CYP2C19: variants seen among roughly 807,000 people sequenced by gnomAD.
CYP2C19 encodes the protein cytochrome P450 family 2 subfamily C member 19, also known as cytochrome P450 2C19.
A neutral mutation model predicts 40.9 loss-of-function variants in CYP2C19; 59 were observed. That is an observed-to-expected ratio of 1.44 (90% confidence interval 1.17 to 1.79). The LOEUF (loss-of-function observed/expected upper bound fraction) is 1.79. Among genes scored for constraint, CYP2C19 ranks in the 40% most tolerant of loss-of-function variants. The pLI is 0.00. For missense variants in CYP2C19, 754 were observed against 596.9 expected (o/e 1.26, Z -2.74); for synonymous variants, 253 against 208.7 (o/e 1.21, Z -1.83).
In CYP2C19 at chr10:94,838,755, G is replaced by A. The variant is rs1008005191; in HGVS notation, c.962-4082G>A. On this transcript the variant is annotated intron_variant, in intron 6 of 8. Coordinates refer to ENST00000371321, the MANE Select transcript of CYP2C19 (RefSeq NM_000769.4). The stretch of plus-strand genomic sequence containing the variant: ...CATAAATCACACTTTTTACATAATT[G>A]CGAGTTGTCTCTTAATGAAAAGAAA... Among the ~76,000 whole-genome samples, 11 of 152,102 alleles carry A rather than the reference G, an allele frequency of 7.2e-5. 1 individual carries two copies. In the East Asian group the frequency reaches 2.1e-3, roughly 29 times the overall value.
At position 94,767,876 on chromosome 10, in the gene CYP2C19, C is replaced by T. The variant is rs147298352; in HGVS notation, c.168+5003C>T. On this transcript the variant is annotated intron_variant, in intron 1 of 8. Transcript: ENST00000371321. ...GTCAGGGAATACTGGGGCTTAATCTCTTGGAGGGGTTTGTTCCATACCAAG... is the reference window on the plus strand; with the variant it reads ...GTCAGGGAATACTGGGGCTTAATCTTTTGGAGGGGTTTGTTCCATACCAAG... Among the ~76,000 whole-genome samples, 636 of 152,236 alleles carry T rather than the reference C, an allele frequency of 4.2e-3. 3 individuals are homozygous for T. The highest frequency in any genetic ancestry group is 0.014 in the African/African-American group (579 of 41,542).
Position 94,780,567 on chromosome 10 carries a change from C to T in CYP2C19, c.550C>T (p.Gln184Ter), listed in dbSNP as rs961342096. 1.9e-6 allele frequency: 3 copies of T among 1,613,798 alleles called. No homozygotes were observed. The highest frequency in any genetic ancestry group is 2.7e-5 in the African/African-American group (2 of 74,910). Residue 184 changes from glutamine (Q) to a stop codon, truncating the protein, a stop_gained, in exon 4 of 9, where the codon CAG becomes TAG. Transcript: ENST00000371321. LOFTEE classifies it high-confidence loss of function. Reference sequence around the variant, plus strand: ...CAATGTGATCTGCTCCATTATTTTCCAGAAACGTTTCGATTATAAAGATCA... The same window carrying T: ...CAATGTGATCTGCTCCATTATTTTCTAGAAACGTTTCGATTATAAAGATCA... The part of the protein sequence containing the change: ...PCNVICSIIF[Q>*]KRFDYKDQQF...
chr10:94,816,305 T>C (rs537649729), intron 5 of CYP2C19, among the ~76,000 whole-genome samples: 31 of 151,858 alleles, frequency 2.0e-4, no homozygotes, highest in African/African-American at 7.2e-4. Flanking sequence ...AGTGGGATTT[T>C]ATTTATTGTT....
intron 6 of CYP2C19, among the ~76,000 whole-genome samples, chr10:94,824,747 C>T (rs926449234): frequency 4.4e-4 from 66 of 151,708 alleles, no homozygotes; most frequent in Non-Finnish European, 7.5e-4. Flanking sequence ...TGCTGGTGCA[C>T]GGCACCCACT....
intron 6 of CYP2C19, among the ~76,000 whole-genome samples, chr10:94,833,495 A>C (rs1849360297): frequency 6.6e-6 from 1 of 151,758 alleles, no homozygotes; most frequent in African/African-American, 2.4e-5. Flanking sequence ...ACATGTGCAC[A>C]TTGTGCAGGT....
chr10:94,849,166 A>G (rs1589379138), intron 7 of CYP2C19, among the ~76,000 whole-genome samples: 1 of 151,864 alleles, frequency 6.6e-6, no homozygotes, highest in East Asian at 1.9e-4. Flanking sequence ...TTTAAGTCAT[A>G]GTCTACACAT....
chr10:94,832,370 G>T (rs1849347289), intron 6 of CYP2C19, among the ~76,000 whole-genome samples: 1 of 152,178 alleles, frequency 6.6e-6, no homozygotes, highest in East Asian at 1.9e-4. Context: ...CTTTGCAGGG[G>T]AAGTCCCATT....
At chr10:94,851,311 T>C (rs2134293831) in intron 8 of CYP2C19, among the ~76,000 whole-genome samples, 1 of 150,254 alleles carries the variant, frequency 6.7e-6, no homozygotes, top group South Asian at 2.1e-4. Flanking sequence ...TCACTCACTA[T>C]CATGAGAACA....
chr10:94,811,840 C>A (rs895921540), intron 5 of CYP2C19, among the ~76,000 whole-genome samples: 4 of 151,876 alleles, frequency 2.6e-5, no homozygotes, highest in Non-Finnish European at 2.9e-5. Flanking sequence ...ATTTGCCAGT[C>A]TGTGTCTTTT....
intron 6 of CYP2C19, among the ~76,000 whole-genome samples, chr10:94,825,379 G>T (rs1406188979): frequency 6.7e-6 from 1 of 149,774 alleles, no homozygotes; most frequent in Non-Finnish European, 1.5e-5. Flanking sequence ...TCTCATTGTG[G>T]TTTTGATTTG....
chr10:94,784,143 T>A (rs1013358166), intron 5 of CYP2C19, among the ~76,000 whole-genome samples: 3 of 152,192 alleles, frequency 2.0e-5, no homozygotes, highest in Non-Finnish European at 2.9e-5. Context: ...ATATAAAGAA[T>A]TCATAGCATA....
At chr10:94,825,911 G>C (rs1420080933) in intron 6 of CYP2C19, among the ~76,000 whole-genome samples, 3 of 151,744 alleles carry the variant, frequency 2.0e-5, no homozygotes, top group Non-Finnish European at 4.4e-5. Context: ...TTATTAAATA[G>C]GGAATCCTTT....
chr10:94,762,720 G>A lies in CYP2C19; in HGVS notation c.15G>A (p.Val5=), dbSNP rs761311559. The change falls in exon 1 of 9, where the codon GTG becomes GTA. Residue 5 remains valine (V), a synonymous_variant. Coordinates refer to ENST00000371321, the MANE Select transcript of CYP2C19 (RefSeq NM_000769.4). The part of the protein sequence containing the change: MDPF[V]VLVLCLSCLL... The stretch of plus-strand genomic sequence containing the variant: ...AGAAGGCTTCAATGGATCCTTTTGT[G>A]GTCCTTGTGCTCTGTCTCTCATGTT... The A allele has an allele frequency of 6.2e-6, 10 of 1,613,494 alleles. No homozygotes were observed. In the South Asian group the frequency reaches 8.8e-5, roughly 14 times the overall value.
intron 7 of CYP2C19, among the ~76,000 whole-genome samples, chr10:94,848,106 C>T (rs1334437360): frequency 6.6e-6 from 1 of 152,102 alleles, no homozygotes; most frequent in African/African-American, 2.4e-5. Flanking sequence ...TCAATTTTGG[C>T]TTTTGTTGCC....
intron 6 of CYP2C19, among the ~76,000 whole-genome samples, chr10:94,824,401 GTATT>G (rs1163627724): frequency 6.6e-6 from 1 of 152,132 alleles, no homozygotes; most frequent in East Asian, 1.9e-4. Context: ...AAACGTGAAT[GTATT>G]TTCAGAAGAA....
At chr10:94,826,090 G>A (rs1849215748) in intron 6 of CYP2C19, among the ~76,000 whole-genome samples, 1 of 152,072 alleles carries the variant, frequency 6.6e-6, no homozygotes, top group South Asian at 2.1e-4. Context: ...GTCAGGTAGT[G>A]TGATGCCTCC....
chr10:94,833,882 T>C (rs1366194300), intron 6 of CYP2C19, among the ~76,000 whole-genome samples: 1 of 152,320 alleles, frequency 6.6e-6, no homozygotes, highest in Non-Finnish European at 1.5e-5. Flanking sequence ...CTGTCTATTG[T>C]ATTGTTGAAT....
chr10:94,789,807 G>A (rs773199737), intron 5 of CYP2C19, among the ~76,000 whole-genome samples: 24 of 152,078 alleles, frequency 1.6e-4, no homozygotes, highest in Non-Finnish European at 3.5e-4. Flanking sequence ...TTTTTGCTGA[G>A]GATTGTCTTG....
At chr10:94,787,246 TA>T (rs1285472835) in intron 5 of CYP2C19, among the ~76,000 whole-genome samples, 3 of 152,118 alleles carry the variant, frequency 2.0e-5, no homozygotes, top group Admixed American at 1.3e-4. Context: ...TCTCTGATGA[TA>T]AGTGATGTTC....
Sources: gnomAD v4.1 joint callset for allele counts (sites outside exome capture counted in the v4.1 genomes callset) on GRCh38, gnomAD v4.1.1 for gene constraint, MANE v1.5 for transcripts, NCBI Gene and HGNC (gene_info 2026-07-23, HGNC 2026-07-21) for gene names.